Variants in LMBR1 observed in about 807,000 individuals in gnomAD.
The protein encoded by LMBR1 is limb region 1 protein homolog.
LMBR1 carries 52 observed loss-of-function variants against 73.9 expected under a neutral mutation model. That is an observed-to-expected ratio of 0.70 (90% CI 0.56 to 0.89). The LOEUF is 0.89. Ranked by LOEUF, LMBR1 falls within the 40% of genes least tolerant of loss-of-function variation. The pLI is 0.00. For missense variants in LMBR1, 539 were observed against 579.8 expected, an observed-to-expected ratio of 0.93 and a Z score of 0.72; for synonymous variants, 215 against 209.4, an observed-to-expected ratio of 1.03 and a Z score of -0.23.
intron 1 of LMBR1, among the ~76,000 whole-genome samples, chr7:156,858,544 C>T (rs1797293200): frequency 6.6e-6 from 1 of 152,150 alleles, no homozygotes; most frequent in Non-Finnish European, 1.5e-5. Flanking sequence ...AGAGGGAATG[C>T]TTTCTAACAC....
intron 15 of LMBR1, among the ~76,000 whole-genome samples, chr7:156,700,866 C>A (rs774754445): frequency 2.0e-5 from 3 of 152,124 alleles, no homozygotes; most frequent in Non-Finnish European, 4.4e-5. Flanking sequence ...TAAAGACACA[C>A]CCAAGACTGG....
At chr7:156,773,164 A>G (rs1825517138) in intron 5 of LMBR1, among the ~76,000 whole-genome samples, 1 of 152,228 alleles carries the variant, frequency 6.6e-6, no homozygotes, top group South Asian at 2.1e-4. Flanking sequence ...GGTCTCTACA[A>G]GAATTAAAAA....
Position 156,736,205 on chromosome 7 carries a change from C to T in LMBR1, c.758-1948G>A, listed in dbSNP as rs553743382. ...AGCAGTTCTGCCAATCTCATCTAAC[C>T]GGGGAAATCCGCAAATCCAAATCAG... On this transcript the variant is annotated intron_variant, in intron 9 of 16. Transcript: ENST00000353442. Among the ~76,000 whole-genome samples the T allele has an allele frequency of 3.3e-5, 5 of 152,214 alleles. No individual in the cohort carries two copies. In the East Asian group the frequency reaches 7.7e-4, roughly 24 times the overall value.
Position 156,682,663 on chromosome 7 carries a change from T to A in LMBR1, c.*1415A>T, listed in dbSNP as rs1432307576. ...AAGGTTGTAAATATACAGATTAAAG[T>A]TTCTTATTATTTTGGTTTAAAGTGG... On this transcript the variant is annotated 3_prime_UTR_variant, in exon 17 of 17. Coordinates refer to ENST00000353442, the MANE Select transcript of LMBR1 (RefSeq NM_022458.4). 2 of 152,204 alleles carry A rather than the reference T, an allele frequency of 1.3e-5. No homozygotes were observed. The highest frequency in any genetic ancestry group is 2.9e-5 in the Non-Finnish European group (2 of 68,026). 9.4% of individuals were successfully genotyped at this position (152,204 alleles called of 1,614,324 possible).
chr7:156,840,356 GA>G (rs1563502453), intron 1 of LMBR1, among the ~76,000 whole-genome samples: 1 of 151,772 alleles, frequency 6.6e-6, no homozygotes, highest in African/African-American at 2.4e-5. Flanking sequence ...GACATCTGAG[GA>G]AAGAGTTGTG....
intron 1 of LMBR1, among the ~76,000 whole-genome samples, chr7:156,874,074 G>A (rs1462042401): frequency 6.6e-6 from 1 of 152,252 alleles, no homozygotes; most frequent in Non-Finnish European, 1.5e-5. Context: ...CGTCGGGGAG[G>A]CTCAGGCCGC....
At chr7:156,696,657 T>C (rs1278031660) in intron 15 of LMBR1, among the ~76,000 whole-genome samples, 3 of 152,248 alleles carry the variant, frequency 2.0e-5, no homozygotes, top group South Asian at 2.1e-4. Context: ...TTATTCACCA[T>C]CACAACAACA....
At chr7:156,764,235 C>T (rs1823673498) in intron 5 of LMBR1, among the ~76,000 whole-genome samples, 1 of 152,160 alleles carries the variant, frequency 6.6e-6, no homozygotes, top group Non-Finnish European at 1.5e-5. Flanking sequence ...GACTCTGGTG[C>T]TCCTCACAGC....
At position 156,688,166 on chromosome 7, in the gene LMBR1, G is replaced by C; in HGVS notation, c.1251C>G (p.Gly417=). ...TLGITRFDLL[G]DFGRFNWLGN... is the part of the protein sequence containing the mutation. ...CCAGCCAATTAAACCTTCCAAAGTC[G>C]CCAAGTAGATCAAATCTAGTGATTC... Residue 417 remains glycine, a synonymous_variant, in exon 16 of 17, where the codon GGC becomes GGG. Transcript: ENST00000353442. 1 of 1,601,448 alleles carries C rather than the reference G, an allele frequency of 6.2e-7. No individual in the cohort carries two copies. The highest frequency in any genetic ancestry group is 8.5e-7 in the Non-Finnish European group (1 of 1,175,578).
At chr7:156,689,908 T>C (rs923106757) in intron 15 of LMBR1, among the ~76,000 whole-genome samples, 1 of 152,324 alleles carries the variant, frequency 6.6e-6, no homozygotes, top group Non-Finnish European at 1.5e-5. Context: ...AAACAAGATA[T>C]AGTCCTACCA....
intron 1 of LMBR1, among the ~76,000 whole-genome samples, chr7:156,839,349 G>A (rs776592738): frequency 6.6e-5 from 10 of 151,874 alleles, no homozygotes; most frequent in Non-Finnish European, 1.5e-4. Context: ...GTGCCCAGCC[G>A]CCCATTTTTT....
At chr7:156,783,492 A>G (rs1585762027) in intron 5 of LMBR1, among the ~76,000 whole-genome samples, 1 of 152,236 alleles carries the variant, frequency 6.6e-6, no homozygotes, top group East Asian at 1.9e-4. Context: ...ATCTTTCAAT[A>G]AGATTTTTTG....
chr7:156,801,048 TA>T (rs1462998528), intron 4 of LMBR1, among the ~76,000 whole-genome samples: 1 of 152,152 alleles, frequency 6.6e-6, no homozygotes, highest in African/African-American at 2.4e-5. Context: ...GAAATGACAA[TA>T]AAGGACTTAG....
intron 4 of LMBR1, among the ~76,000 whole-genome samples, chr7:156,818,909 T>C (rs1834338246): frequency 6.6e-6 from 1 of 152,196 alleles, no homozygotes; most frequent in Non-Finnish European, 1.5e-5. Context: ...TTGTCATCTC[T>C]GCCCTATCCT....
At chr7:156,833,260 CAGAA>C (rs542806364) in intron 3 of LMBR1, among the ~76,000 whole-genome samples, 331 of 152,290 alleles carry the variant, frequency 2.2e-3, no homozygotes, top group African/African-American at 7.1e-3. Flanking sequence ...CAAAAACTAA[CAGAA>C]AGGAATTCGC....
At chr7:156,828,111 G>A (rs375463451) in intron 3 of LMBR1, among the ~76,000 whole-genome samples, 7 of 152,266 alleles carry the variant, frequency 4.6e-5, no homozygotes, top group African/African-American at 1.2e-4. Flanking sequence ...CTAAAATTGA[G>A]ATCAAATCCA....
At chr7:156,799,736 T>C (rs112417119) in intron 4 of LMBR1, among the ~76,000 whole-genome samples, 4,856 of 152,328 alleles carry the variant, frequency 0.032, 125 homozygotes, top group South Asian at 0.084. Flanking sequence ...AAAAATGAGA[T>C]AGGCTGAAAG....
At chr7:156,782,535 T>A (rs1827333545) in intron 5 of LMBR1, among the ~76,000 whole-genome samples, 1 of 151,048 alleles carries the variant, frequency 6.6e-6, no homozygotes, top group Non-Finnish European at 1.5e-5. Context: ...CATTGCAGTT[T>A]TGTTTGTTTG....
At chr7:156,791,031 T>C (rs1050530609) in intron 5 of LMBR1, among the ~76,000 whole-genome samples, 1 of 152,332 alleles carries the variant, frequency 6.6e-6, no homozygotes, top group Admixed American at 6.5e-5. Flanking sequence ...AATTGGGGGA[T>C]TGTAGAGGAT....
Sources: gnomAD v4.1 joint callset for allele counts (sites outside exome capture counted in the v4.1 genomes callset) on GRCh38, gnomAD v4.1.1 for gene constraint, MANE v1.5 for transcripts, NCBI Gene and HGNC (gene_info 2026-07-23, HGNC 2026-07-21) for gene names.